Variants in ADGRB3 observed in about 807,000 individuals in gnomAD.
ADGRB3 encodes the protein adhesion G protein-coupled receptor B3.
Under a neutral mutation model 193.4 loss-of-function variants are expected in ADGRB3, and 37 were observed. The observed-to-expected ratio is 0.19, with a 90% CI of 0.15 to 0.25. The LOEUF is 0.25. ADGRB3 is among the 10% of genes least tolerant of loss of function. The pLI is 1.00. For missense variants in ADGRB3, 1,637 were observed against 1,852.9 expected, an observed-to-expected ratio of 0.88 and a Z score of 2.14; for synonymous variants, 690 against 644.2, an observed-to-expected ratio of 1.07 and a Z score of -1.08.
At chr6:69,125,364 G>A (rs1773825289) in intron 17 of ADGRB3, among the ~76,000 whole-genome samples, 1 of 152,090 alleles carries the variant, frequency 6.6e-6, no homozygotes, top group African/African-American at 2.4e-5. Flanking sequence ...GAATGTTTTT[G>A]TCCCTCACAT....
intron 12 of ADGRB3, 113 bp downstream of exon 12, chr6:69,014,219 A>C: frequency 1.4e-6 from 1 of 697,796 alleles, no homozygotes; most frequent in Non-Finnish European, 2.3e-6. Flanking sequence ...AAGTCAGTCT[A>C]GGTTATATCC....
chr6:69,205,772 C>A (rs1473186459), intron 17 of ADGRB3, among the ~76,000 whole-genome samples: 1 of 151,804 alleles, frequency 6.6e-6, no homozygotes. Context: ...ACCCTCATGA[C>A]TGAATCATGT....
chr6:69,382,904 G>A lies in ADGRB3; in HGVS notation c.4349G>A (p.Arg1450Lys), dbSNP rs759812129. The A allele has an allele frequency of 1.9e-6, 3 of 1,608,376 alleles. No individual in the cohort carries two copies. The South Asian group carries it at 3.3e-5, about 18-fold the overall frequency. ...ELNQKFQTLD[R>K]FRDIPNTSSM... is the part of the protein sequence containing the mutation. Reference sequence around the variant, plus strand: ...AATCAGAAATTTCAAACTTTGGACAGATTTCGGGATATACCAAATACAAGC... The same window carrying A: ...AATCAGAAATTTCAAACTTTGGACAAATTTCGGGATATACCAAATACAAGC... Residue 1450 changes from arginine (R) to lysine (K), a missense_variant, in exon 31 of 32, where the codon AGA (arginine) becomes AAA (lysine). By Grantham distance (26) the Arg-to-Lys change is conservative. Around this residue, in one of 7 missense-constraint regions of ADGRB3, gnomAD observed 368 missense variants for 367.4 expected, o/e 1.00. Coordinates refer to ENST00000370598, the MANE Select transcript of ADGRB3 (RefSeq NM_001704.3).
chr6:68,992,995 C>A (rs1189325130), intron 10 of ADGRB3, among the ~76,000 whole-genome samples: 1 of 151,932 alleles, frequency 6.6e-6, no homozygotes, highest in Non-Finnish European at 1.5e-5. Flanking sequence ...ATAATGGATT[C>A]CTGCTATTTC....
At chr6:68,991,660 C>A (rs1443072454) in intron 10 of ADGRB3, among the ~76,000 whole-genome samples, 1 of 151,812 alleles carries the variant, frequency 6.6e-6, no homozygotes, top group East Asian at 1.9e-4. Context: ...CACTAGAGCA[C>A]AGCAAATGGC....
At chr6:69,192,148 T>C (rs557630395) in intron 17 of ADGRB3, among the ~76,000 whole-genome samples, 1 of 152,218 alleles carries the variant, frequency 6.6e-6, no homozygotes, top group Admixed American at 6.5e-5. Context: ...GTGAGGTCCC[T>C]CAATAGGCTG....
intron 10 of ADGRB3, among the ~76,000 whole-genome samples, chr6:68,992,372 TA>T (rs1769261346): frequency 6.6e-6 from 1 of 152,140 alleles, no homozygotes; most frequent in African/African-American, 2.4e-5. Context: ...TGGTACAAAG[TA>T]GAAACCAGCT....
intron 20 of ADGRB3, among the ~76,000 whole-genome samples, chr6:69,259,201 T>TAA (rs1241949982): frequency 6.6e-6 from 1 of 152,090 alleles, no homozygotes; most frequent in East Asian, 1.9e-4. Context: ...CGGTGTAAAT[T>TAA]AATGCAAGTT....
chr6:69,064,645 G>GAT (rs3043298), intron 16 of ADGRB3, among the ~76,000 whole-genome samples: 75,110 of 151,646 alleles, frequency 0.5, 20,676 homozygotes, highest in East Asian at 0.96. Flanking sequence ...TGTAGTAAGA[G>GAT]ATTAATTCTC....
At chr6:69,179,049 G>A (rs1775509432) in intron 17 of ADGRB3, among the ~76,000 whole-genome samples, 3 of 152,056 alleles carry the variant, frequency 2.0e-5, no homozygotes, top group Admixed American at 2.0e-4. Flanking sequence ...ATTCCAGGTT[G>A]TTTTCTTTTT....
intron 3 of ADGRB3, among the ~76,000 whole-genome samples, chr6:68,685,400 A>G (rs905911106): frequency 6.6e-6 from 1 of 152,258 alleles, no homozygotes; most frequent in South Asian, 2.1e-4. Context: ...GAGCCAAAAT[A>G]AAAGTTCAGT....
intron 3 of ADGRB3, among the ~76,000 whole-genome samples, chr6:68,787,324 T>C (rs1050953933): frequency 1.3e-4 from 20 of 152,316 alleles, no homozygotes; most frequent in Non-Finnish European, 2.4e-4. Flanking sequence ...TTGAGATACA[T>C]CTCATCAATA....
At chr6:69,251,123 G>A (rs1054067998) in intron 20 of ADGRB3, among the ~76,000 whole-genome samples, 2 of 152,176 alleles carry the variant, frequency 1.3e-5, no homozygotes, top group African/African-American at 2.4e-5. Context: ...AGCAAGACCA[G>A]TTTCAAAAGC....
chr6:68,817,140 A>G (rs1008554186), intron 3 of ADGRB3, among the ~76,000 whole-genome samples: 1 of 151,466 alleles, frequency 6.6e-6, no homozygotes, highest in Non-Finnish European at 1.5e-5. Flanking sequence ...CCAGCACCCT[A>G]TGCCTGGCCA....
chr6:68,981,724 A>G (rs1200708650), intron 10 of ADGRB3, among the ~76,000 whole-genome samples: 3 of 151,630 alleles, frequency 2.0e-5, no homozygotes, highest in Admixed American at 1.3e-4. Flanking sequence ...AAAACAAGCA[A>G]TGGGTTGGAT....
intron 3 of ADGRB3, among the ~76,000 whole-genome samples, chr6:68,671,371 A>T (rs986562020): frequency 1.3e-5 from 2 of 151,910 alleles, no homozygotes; most frequent in African/African-American, 4.8e-5. Context: ...TCCCCATTCA[A>T]TATGATACTA....
chr6:68,919,609 G>T (rs2150241516), intron 3 of ADGRB3, among the ~76,000 whole-genome samples: 1 of 152,210 alleles, frequency 6.6e-6, no homozygotes, highest in Middle Eastern at 3.4e-3. Context: ...CAATGAAAGA[G>T]ACAGAAAAGC....
chr6:68,850,587 G>C (rs1330888138), intron 3 of ADGRB3, among the ~76,000 whole-genome samples: 1 of 151,894 alleles, frequency 6.6e-6, no homozygotes, highest in East Asian at 1.9e-4. Flanking sequence ...GTATACTTCT[G>C]ATGTTCAGAT....
At chr6:69,138,642 C>CT (rs1183470577) in intron 17 of ADGRB3, among the ~76,000 whole-genome samples, 3 of 152,054 alleles carry the variant, frequency 2.0e-5, no homozygotes, top group Non-Finnish European at 4.4e-5. Context: ...ACAATAAATG[C>CT]TTCTTTATTG....
Sources: gnomAD v4.1 joint callset for allele counts (sites outside exome capture counted in the v4.1 genomes callset) on GRCh38, gnomAD v4.1.1 for gene constraint, gnomAD v4.1.1 regional missense constraint, MANE v1.5 for transcripts, NCBI Gene and HGNC (gene_info 2026-07-23, HGNC 2026-07-21) for gene names.